The following ANO10 variants were observed in gnomAD, a reference collection of about 807,000 sequenced individuals.
ANO10 encodes the protein anoctamin-10.
In ANO10, 77 loss-of-function variants were observed where a neutral mutation model predicts 74.7. That is an observed-to-expected ratio of 1.03 (90% CI 0.86 to 1.25). ANO10 has a LOEUF of 1.25. Among genes scored for constraint, ANO10 ranks in the 50% most tolerant of loss-of-function variants. The pLI, the probability that ANO10 is intolerant of heterozygous loss-of-function variation, is 0.00. For synonymous variants in ANO10, 279 were observed against 284.9 expected (o/e 0.98, Z 0.21); for missense variants, 721 against 778.1 (o/e 0.93, Z 0.87).
intron 4 of ANO10, among the ~76,000 whole-genome samples, chr3:43,587,455 C>T (rs2081530931): frequency 6.6e-6 from 1 of 152,126 alleles, no homozygotes. Context: ...GACTCATCAC[C>T]CTCCTTCAGG....
At chr3:43,452,964 G>A (rs1456192951) in intron 11 of ANO10, among the ~76,000 whole-genome samples, 9 of 152,130 alleles carry the variant, frequency 5.9e-5, no homozygotes, top group Admixed American at 3.3e-4. Flanking sequence ...GTGCTTGCTG[G>A]CCACTTAAAA....
intron 1 of ANO10, among the ~76,000 whole-genome samples, chr3:43,619,533 A>G (rs1221712422): frequency 6.6e-6 from 1 of 152,100 alleles, no homozygotes; most frequent in East Asian, 1.9e-4. Flanking sequence ...AATTATTTCA[A>G]AACAAGAAAC....
intron 1 of ANO10, among the ~76,000 whole-genome samples, chr3:43,673,483 T>C (rs1436938391): frequency 6.6e-6 from 1 of 152,126 alleles, no homozygotes; most frequent in Non-Finnish European, 1.5e-5. Flanking sequence ...ATAATGACAA[T>C]AGATGGATTT....
chr3:43,416,913 T>C (rs1246834864), intron 12 of ANO10, among the ~76,000 whole-genome samples: 2 of 152,198 alleles, frequency 1.3e-5, no homozygotes, highest in Non-Finnish European at 2.9e-5. Context: ...TACCTAACAA[T>C]CGCCTCATTA....
chr3:43,551,426 T>G (rs1373832179), intron 10 of ANO10: 2 of 440,796 alleles, frequency 4.5e-6, no homozygotes, highest in African/African-American at 4.1e-5. Context: ...ATAAACTGCA[T>G]GCATTTAAGG....
upstream of ANO10, among the ~76,000 whole-genome samples, chr3:43,623,780 A>G (rs1575568096): frequency 6.6e-6 from 1 of 152,196 alleles, no homozygotes; most frequent in Non-Finnish European, 1.5e-5. Context: ...GGCAGCTCAC[A>G]ACATTATTAA....
intron 1 of ANO10, among the ~76,000 whole-genome samples, chr3:43,608,428 CTAA>C (rs2082660162): frequency 6.6e-6 from 1 of 152,118 alleles, no homozygotes; most frequent in African/African-American, 2.4e-5. Context: ...CCATTCCCAG[CTAA>C]TTTTTGTATT....
chr3:43,530,683 T>C lies in ANO10; in HGVS notation c.1797+19037A>G, dbSNP rs575132725. On this transcript the variant is annotated intron_variant, in intron 11 of 12. Transcript: ENST00000292246. ...GAGAGACCCCATGTTCACATAACTTTTATTAAAGTATATTATAATGATTGT... is the reference window on the plus strand; with the variant it reads ...GAGAGACCCCATGTTCACATAACTTCTATTAAAGTATATTATAATGATTGT... Among the ~76,000 whole-genome samples, 22 of 152,220 alleles carry C rather than the reference T, an allele frequency of 1.4e-4. No homozygotes were observed. In the South Asian group the frequency reaches 4.6e-3, roughly 32 times the overall value.
At chr3:43,671,296 T>C (rs1009094992) in intron 1 of ANO10, among the ~76,000 whole-genome samples, 7 of 152,196 alleles carry the variant, frequency 4.6e-5, no homozygotes, top group Non-Finnish European at 8.8e-5. Context: ...TCTATTCTCA[T>C]GGAATTATTA....
intron 11 of ANO10, among the ~76,000 whole-genome samples, chr3:43,487,239 C>T (rs1404586889): frequency 6.6e-6 from 1 of 151,912 alleles, no homozygotes. Flanking sequence ...CATCAATGTT[C>T]ATCAAGGATA....
chr3:43,592,455 G>T (rs1044533310), intron 4 of ANO10, among the ~76,000 whole-genome samples: 28 of 152,212 alleles, frequency 1.8e-4, no homozygotes, highest in African/African-American at 6.3e-4. Context: ...TTGCAGTTCT[G>T]CAGCCTCCGC....
chr3:43,675,672 T>A (rs534736166), intron 1 of ANO10, among the ~76,000 whole-genome samples: 32 of 152,140 alleles, frequency 2.1e-4, no homozygotes, highest in African/African-American at 7.7e-4. Context: ...CAATGGGACA[T>A]TGTGACTTTA....
Position 43,466,392 on chromosome 3 carries a change from C to CA in ANO10, c.1798-33666dup, listed in dbSNP as rs751455876. Among the ~76,000 whole-genome samples the CA allele has an allele frequency of 9.6e-5, 12 of 124,836 alleles. 1 individual carries two copies. The highest frequency in any genetic ancestry group is 3.6e-4 in the African/African-American group (12 of 33,122). The allele number at this position is 124,836 out of a possible 152,430, so 81.9% of individuals were successfully genotyped here. A position where few individuals can be genotyped will look rare whatever the true frequency, so the allele number is the denominator to read the frequency against. ...CTCAAAAAAAAAAAAAAAAAACAAACAAAAAAACCAGTAATCAACACATAA... is the reference window on the plus strand; with the variant it reads ...CTCAAAAAAAAAAAAAAAAAACAAACAAAAAAAACCAGTAATCAACACATAA... On this transcript the variant is annotated intron_variant, in intron 11 of 12. Transcript: ENST00000292246.
intron 4 of ANO10, among the ~76,000 whole-genome samples, chr3:43,598,115 A>C (rs2149474795): frequency 6.6e-6 from 1 of 152,334 alleles, no homozygotes; most frequent in Middle Eastern, 3.4e-3. Context: ...AAATCACACA[A>C]AACCAAAATG....
chr3:43,588,675 C>A (rs1419747905), intron 4 of ANO10, among the ~76,000 whole-genome samples: 4 of 151,548 alleles, frequency 2.6e-5, no homozygotes, highest in African/African-American at 9.7e-5. Flanking sequence ...AAAGGCTGGG[C>A]AAAAACATTC....
At chr3:43,537,851 C>T (rs547401817) in intron 11 of ANO10, among the ~76,000 whole-genome samples, 21 of 151,874 alleles carry the variant, frequency 1.4e-4, no homozygotes, top group Non-Finnish European at 2.5e-4. Flanking sequence ...CTGTAAGCAC[C>T]CTGGAGTCCA....
chr3:43,592,688 C>A (rs1278594452), intron 4 of ANO10, among the ~76,000 whole-genome samples: 1 of 152,194 alleles, frequency 6.6e-6, no homozygotes. Context: ...AATCAGAGCA[C>A]CTCTTCTCCT....
At chr3:43,488,335 A>C (rs1459061424) in intron 11 of ANO10, among the ~76,000 whole-genome samples, 2 of 150,776 alleles carry the variant, frequency 1.3e-5, no homozygotes, top group African/African-American at 4.9e-5. Context: ...TAATTAAACT[A>C]AAGAGCTTCT....
chr3:43,450,031 T>C (rs912311458), intron 11 of ANO10, among the ~76,000 whole-genome samples: 3 of 152,230 alleles, frequency 2.0e-5, no homozygotes, highest in Non-Finnish European at 4.4e-5. Context: ...GTACTGCATT[T>C]TTTTGGAGCT....
Sources: allele counts gnomAD v4.1 joint callset (sites outside exome capture counted in the v4.1 genomes callset), GRCh38; gene constraint gnomAD v4.1.1; transcripts MANE v1.5; gene names NCBI Gene and HGNC (gene_info 2026-07-23, HGNC 2026-07-21).